TRPC4: variants seen among roughly 807,000 people sequenced by gnomAD.
The protein encoded by TRPC4 is short transient receptor potential channel 4.
A neutral mutation model predicts 99.4 loss-of-function variants in TRPC4; 49 were observed. That is an observed-to-expected ratio of 0.49 (90% CI 0.39 to 0.63). The LOEUF is 0.63. Ranked by LOEUF, TRPC4 falls within the 20% of genes least tolerant of loss-of-function variation. The pLI is 0.00. For missense variants in TRPC4, 898 were observed against 1,152.9 expected (o/e 0.78, Z 3.20); for synonymous variants, 454 against 425.9 (o/e 1.07, Z -0.81).
intron 4 of TRPC4, among the ~76,000 whole-genome samples, chr13:37,685,450 ATGATTAAGTGG>A (rs1281452153): frequency 2.0e-5 from 3 of 152,180 alleles, no homozygotes; most frequent in Non-Finnish European, 2.9e-5. Flanking sequence ...ATCATTTATT[ATGATTAAGTGG>A]AACAGAGTTA....
chr13:37,764,234 AC>A (rs991882364), intron 2 of TRPC4, among the ~76,000 whole-genome samples: 9 of 151,620 alleles, frequency 5.9e-5, no homozygotes, highest in African/African-American at 2.2e-4. Flanking sequence ...TGAAACTCCC[AC>A]ACAATGTTCA....
intron 3 of TRPC4, among the ~76,000 whole-genome samples, chr13:37,732,966 AAAAACAAAAC>A (rs994846824): frequency 8.5e-5 from 13 of 152,318 alleles, no homozygotes; most frequent in African/African-American, 2.6e-4. Context: ...ATAGGAAATG[AAAAACAAAAC>A]AAAACAAAAC....
At chr13:37,683,572 C>CA (rs1745552460) in intron 4 of TRPC4, among the ~76,000 whole-genome samples, 1 of 152,080 alleles carries the variant, frequency 6.6e-6, no homozygotes, top group African/African-American at 2.4e-5. Context: ...ACAGGGCTCT[C>CA]AAAGAACAGC....
chr13:37,774,621 A>G (rs1956648850), intron 2 of TRPC4, among the ~76,000 whole-genome samples: 1 of 151,608 alleles, frequency 6.6e-6, no homozygotes, highest in Admixed American at 6.6e-5. Context: ...CCAAGTACCT[A>G]TTGGTTATTT....
chr13:37,675,206 A>C (rs1924305), intron 4 of TRPC4, among the ~76,000 whole-genome samples: 148,720 of 152,200 alleles, frequency 0.98, 72,750 homozygotes, highest in East Asian at 1. Flanking sequence ...GAAAGTTGGA[A>C]AAGTATTATC....
At chr13:37,689,567 A>C in intron 4 of TRPC4, among the ~76,000 whole-genome samples, 1 of 152,208 alleles carries the variant, frequency 6.6e-6, no homozygotes, top group Non-Finnish European at 1.5e-5. Flanking sequence ...AACTCCCTAC[A>C]GTCAGGAAAT....
rs530646760 is a variant in TRPC4, at chr13:37,777,520, G to T, written c.378+5436C>A. 1.0e-3 allele frequency among the ~76,000 whole-genome samples: 153 copies of T among 151,934 alleles called. No individual in the cohort carries two copies. In the Middle Eastern group the frequency reaches 0.027, roughly 27 times the overall value. On this transcript the variant is annotated intron_variant, in intron 2 of 10. Transcript: ENST00000379705. The stretch of plus-strand genomic sequence containing the variant: ...TTCACCAGCTCCCACCTCTAATATT[G>T]GGGATTAAATTCAACATGAGATTTG...
chr13:37,748,476 T>G (rs565922319), intron 2 of TRPC4, among the ~76,000 whole-genome samples: 3 of 151,192 alleles, frequency 2.0e-5, no homozygotes, highest in Admixed American at 2.0e-4. Flanking sequence ...ATGGCATACA[T>G]TTTTTTTCAA....
chr13:37,742,492 G>T (rs898300270), intron 3 of TRPC4, among the ~76,000 whole-genome samples: 5 of 152,114 alleles, frequency 3.3e-5, no homozygotes, highest in Non-Finnish European at 2.9e-5. Context: ...CTGCCTAGAG[G>T]AGGAGATGGA....
chr13:37,746,101 A>G lies in TRPC4; in HGVS notation c.733T>C (p.Ser245Pro). 2 of 1,613,928 alleles carry G rather than the reference A, an allele frequency of 1.2e-6. No homozygotes were observed. The highest frequency in any genetic ancestry group is 1.7e-6 in the Non-Finnish European group (2 of 1,179,908). ...NEFKSEYEEL[S>P]RQCKQFAKDL... is the part of the protein sequence containing the mutation. ...TTAGCAAATTGTTTGCACTGCCGTGACAGCTCTTCATACTCCGACTTGAAT... is the reference window on the plus strand; with the variant it reads ...TTAGCAAATTGTTTGCACTGCCGTGGCAGCTCTTCATACTCCGACTTGAAT... The change falls in exon 3 of 11, where the codon TCA (serine) becomes CCA (proline). Residue 245 changes from serine (S) to proline (P), a missense_variant. This residue lies in a region of TRPC4 where 278 missense variants were observed against 346.6 expected (regional missense o/e 0.80). Transcript: ENST00000379705.
chr13:37,760,745 AG>A (rs1219094847), intron 2 of TRPC4, among the ~76,000 whole-genome samples: 3 of 151,910 alleles, frequency 2.0e-5, no homozygotes, highest in Non-Finnish European at 4.4e-5. Flanking sequence ...AGCTATTGTG[AG>A]TGTTAGTGTA....
chr13:37,773,136 G>A (rs1207195643), intron 2 of TRPC4, among the ~76,000 whole-genome samples: 1 of 151,684 alleles, frequency 6.6e-6, no homozygotes, highest in Non-Finnish European at 1.5e-5. Context: ...TCCATCAAAA[G>A]CATGGAAAGA....
chr13:37,684,403 A>T (rs1250919686), intron 4 of TRPC4, among the ~76,000 whole-genome samples: 2 of 152,202 alleles, frequency 1.3e-5, no homozygotes, highest in African/African-American at 4.8e-5. Context: ...TTAGTTTCAG[A>T]GTAAGAGTGA....
intron 8 of TRPC4, among the ~76,000 whole-genome samples, chr13:37,647,382 A>G (rs546506149): frequency 6.6e-6 from 1 of 152,208 alleles, no homozygotes; most frequent in Non-Finnish European, 1.5e-5. Flanking sequence ...CAGAAGGTAA[A>G]CCAGCCTGGT....
At chr13:37,722,167 T>G (rs150586573) in intron 3 of TRPC4, among the ~76,000 whole-genome samples, 2 of 152,294 alleles carry the variant, frequency 1.3e-5, no homozygotes, top group African/African-American at 4.8e-5. Context: ...CAGTAGTAAC[T>G]CTCAGATAAG....
intron 3 of TRPC4, among the ~76,000 whole-genome samples, chr13:37,722,159 G>T (rs566077666): frequency 7.4e-4 from 112 of 152,284 alleles, no homozygotes; most frequent in Middle Eastern, 3.4e-3. Flanking sequence ...AAGTTACACA[G>T]TAGTAACTCT....
At chr13:37,818,742 G>A (rs1325424455) in intron 1 of TRPC4, among the ~76,000 whole-genome samples, 2 of 152,030 alleles carry the variant, frequency 1.3e-5, no homozygotes, top group African/African-American at 4.8e-5. Context: ...ATAAGTGGGA[G>A]TTGAACAATG....
In TRPC4 at chr13:37,637,172, G is replaced by A. The variant is rs373986502; in HGVS notation, c.2665C>T (p.Arg889Ter). The A allele has an allele frequency of 1.3e-5, 21 of 1,613,664 alleles. No homozygotes were observed. Among genetic ancestry groups the A allele is most frequent in the Non-Finnish European group, 1.6e-5 (19 of 1,179,860 alleles). Residue 889 changes from arginine to a stop codon, truncating the protein, a stop_gained, in exon 11 of 11, where the codon CGA becomes TGA. Transcript: ENST00000379705. LOFTEE classifies it high-confidence loss of function. Reference sequence around the variant, plus strand: ...AGGTCACCCCGTGAAGCTAATCCTCGAGATTCCAGTTGAATATTTCTCTCA... The same window carrying A: ...AGGTCACCCCGTGAAGCTAATCCTCAAGATTCCAGTTGAATATTTCTCTCA... ...PLERNIQLES[R>*]GLASRGDLSI...
At chr13:37,823,016 G>A (rs1958062283) in intron 1 of TRPC4, among the ~76,000 whole-genome samples, 1 of 149,424 alleles carries the variant, frequency 6.7e-6, no homozygotes, top group Non-Finnish European at 1.5e-5. Context: ...TTTCTCTGAT[G>A]GCCAGTGATG....
Sources: allele counts gnomAD v4.1 joint callset (sites outside exome capture counted in the v4.1 genomes callset), GRCh38; gene constraint gnomAD v4.1.1; regional missense constraint gnomAD v4.1.1; transcripts MANE v1.5; gene names NCBI Gene and HGNC (gene_info 2026-07-23, HGNC 2026-07-21).